TAFA4: variants seen among roughly 807,000 people sequenced by gnomAD.
TAFA4 encodes the protein chemokine-like protein TAFA-4.
In TAFA4, 20 loss-of-function variants were observed where a neutral mutation model predicts 21.1. The ratio of observed to expected loss-of-function variants is 0.95; its 90% CI spans 0.67 to 1.38. The LOEUF (loss-of-function observed/expected upper bound fraction) is 1.38, where lower values mean the gene tolerates loss of function less well. Among genes scored for constraint, TAFA4 ranks in the 40% most tolerant of loss-of-function variants. TAFA4 has a pLI of 0.00. For missense variants in TAFA4, 211 were observed against 180.9 expected (o/e 1.17, Z -0.95); for synonymous variants, 71 against 67.4 (o/e 1.05, Z -0.26).
chr3:68,859,006 G>C (rs1295852010), intron 3 of TAFA4, among the ~76,000 whole-genome samples: 1 of 151,740 alleles, frequency 6.6e-6, no homozygotes, highest in African/African-American at 2.4e-5. Flanking sequence ...TGGGGAGCTG[G>C]GGGGCAGCCA....
chr3:68,925,498 A>G (rs2090099573), intron 1 of TAFA4, among the ~76,000 whole-genome samples: 1 of 152,166 alleles, frequency 6.6e-6, no homozygotes, highest in Non-Finnish European at 1.5e-5. Flanking sequence ...ACTGTACAAA[A>G]TATTTATGGC....
chr3:68,923,743 A>T (rs1017674521), intron 1 of TAFA4, among the ~76,000 whole-genome samples: 5 of 152,182 alleles, frequency 3.3e-5, no homozygotes, highest in African/African-American at 1.2e-4. Flanking sequence ...GCTTCTCCTT[A>T]GGGTAAACAC....
At chr3:68,744,991 G>A (rs753397143) in intron 4 of TAFA4, among the ~76,000 whole-genome samples, 8 of 152,208 alleles carry the variant, frequency 5.3e-5, no homozygotes, top group East Asian at 1.9e-4. Flanking sequence ...GCCCTTGTTC[G>A]TCAAAGTGTT....
chr3:68,796,890 ATCACT>A (rs1703462550), intron 3 of TAFA4, among the ~76,000 whole-genome samples: 1 of 152,212 alleles, frequency 6.6e-6, no homozygotes, highest in Non-Finnish European at 1.5e-5. Context: ...GATGCTCAAC[ATCACT>A]AATCACAAGG....
chr3:68,796,951 A>G (rs984912803), intron 3 of TAFA4, among the ~76,000 whole-genome samples: 1 of 152,222 alleles, frequency 6.6e-6, no homozygotes, highest in African/African-American at 2.4e-5. Flanking sequence ...CCCTTTCATT[A>G]CAATGACTAC....
intron 4 of TAFA4, among the ~76,000 whole-genome samples, chr3:68,746,925 A>G (rs1198928619): frequency 1.3e-5 from 2 of 152,188 alleles, no homozygotes; most frequent in South Asian, 2.1e-4. Flanking sequence ...AATCCTGTAC[A>G]TTGTAAGATG....
At chr3:68,870,457 A>G (rs2089469389) in intron 3 of TAFA4, among the ~76,000 whole-genome samples, 1 of 152,212 alleles carries the variant, frequency 6.6e-6, no homozygotes, top group Non-Finnish European at 1.5e-5. Flanking sequence ...AAAATATACT[A>G]CAAAGCCATA....
At chr3:68,747,597 T>G (rs1462084346) in intron 4 of TAFA4, among the ~76,000 whole-genome samples, 2 of 152,098 alleles carry the variant, frequency 1.3e-5, no homozygotes, top group Non-Finnish European at 2.9e-5. Context: ...AAATTACCCA[T>G]TCTCGGGTAT....
chr3:68,821,105 T>C (rs1034273102), intron 3 of TAFA4, among the ~76,000 whole-genome samples: 2 of 152,182 alleles, frequency 1.3e-5, no homozygotes, highest in Non-Finnish European at 2.9e-5. Flanking sequence ...CAGGTTAAAA[T>C]CTTTTACAAA....
intron 3 of TAFA4, among the ~76,000 whole-genome samples, chr3:68,783,077 T>C (rs1575606522): frequency 6.6e-6 from 1 of 152,120 alleles, no homozygotes; most frequent in African/African-American, 2.4e-5. Flanking sequence ...AAATTCAACA[T>C]CCATTCATAA....
At chr3:68,755,877 T>C (rs917746203) in intron 3 of TAFA4, among the ~76,000 whole-genome samples, 1 of 152,138 alleles carries the variant, frequency 6.6e-6, no homozygotes, top group Non-Finnish European at 1.5e-5. Context: ...TGTACATGAT[T>C]AGGTGATAAG....
intron 3 of TAFA4, among the ~76,000 whole-genome samples, chr3:68,858,772 C>G (rs2106919901): frequency 6.6e-6 from 1 of 152,150 alleles, no homozygotes; most frequent in East Asian, 1.9e-4. Context: ...CACTTGATCC[C>G]TGGCTATTTT....
rs549112993 is a variant in TAFA4, at chr3:68,781,303, G to T, written c.131-28285C>A. ...AAAAATAACATCAGCATGAAGCAAT[G>T]AAAAAGAGAAAAATAATTAAAAACA... On this transcript the variant is annotated intron_variant, in intron 3 of 5. Transcript: ENST00000295569. Among the ~76,000 whole-genome samples, 5 of 151,570 alleles carry T rather than the reference G, an allele frequency of 3.3e-5. No individual in the cohort carries two copies. The East Asian group carries it at 9.8e-4, about 30-fold the overall frequency.
chr3:68,931,916 G>C lies in TAFA4; in HGVS notation c.-123+324C>G, dbSNP rs565284814. The stretch of plus-strand genomic sequence containing the variant: ...TCACCACCCCCTATACCAATTCATC[G>C]AGTGGCCTCCTCCGCATCAGCAGAG... On this transcript the variant is annotated intron_variant, in intron 1 of 5. Coordinates refer to ENST00000295569, the MANE Select transcript of TAFA4 (RefSeq NM_182522.5). 3.5e-4 allele frequency among the ~76,000 whole-genome samples: 53 copies of C among 152,240 alleles called. 1 individual carries two copies. The South Asian group carries it at 9.8e-3, about 28-fold the overall frequency.
chr3:68,735,389 G>T (rs1187316980), intron 5 of TAFA4, among the ~76,000 whole-genome samples: 1 of 152,092 alleles, frequency 6.6e-6, no homozygotes, highest in Admixed American at 6.6e-5. Flanking sequence ...CAAGGTATAA[G>T]CCAATTAAAG....
intron 1 of TAFA4, among the ~76,000 whole-genome samples, chr3:68,904,607 A>C (rs1309195746): frequency 6.6e-6 from 1 of 152,220 alleles, no homozygotes; most frequent in Non-Finnish European, 1.5e-5. Flanking sequence ...GTTTTCCCCA[A>C]AGCAGAGCCT....
intron 5 of TAFA4, among the ~76,000 whole-genome samples, chr3:68,734,960 C>G (rs980546257): frequency 1.3e-5 from 2 of 152,136 alleles, no homozygotes; most frequent in African/African-American, 4.8e-5. Flanking sequence ...ATAAAATGCT[C>G]TCAGACTTAT....
chr3:68,905,017 T>G (rs1292573649), intron 1 of TAFA4, among the ~76,000 whole-genome samples: 1 of 152,122 alleles, frequency 6.6e-6, no homozygotes, highest in Non-Finnish European at 1.5e-5. Context: ...CTTTTTTTCC[T>G]CTATAGCAGC....
chr3:68,887,618 C>T (rs2089686253), intron 1 of TAFA4, among the ~76,000 whole-genome samples: 1 of 152,160 alleles, frequency 6.6e-6, no homozygotes, highest in Admixed American at 6.5e-5. Flanking sequence ...TCTGAACTTC[C>T]ACAGGATCAG....
Sources: allele counts gnomAD v4.1 joint callset (sites outside exome capture counted in the v4.1 genomes callset), GRCh38; gene constraint gnomAD v4.1.1; transcripts MANE v1.5; gene names NCBI Gene and HGNC (gene_info 2026-07-23, HGNC 2026-07-21).